The following DNAJC1 variants were observed in gnomAD, a reference collection of about 807,000 sequenced individuals.
DNAJC1 encodes dnaJ homolog subfamily C member 1.
DNAJC1 carries 58 observed loss-of-function variants against 76.6 expected under a neutral mutation model. The ratio of observed to expected loss-of-function variants is 0.76; its 90% confidence interval spans 0.61 to 0.94. The LOEUF (loss-of-function observed/expected upper bound fraction) is 0.94. Among genes scored for constraint, DNAJC1 ranks in the 40% least tolerant of loss-of-function variants. The pLI is 0.00. For missense variants in DNAJC1, 689 were observed against 677.3 expected (o/e 1.02, Z -0.19); for synonymous variants, 258 against 267.9 (o/e 0.96, Z 0.36).
chr10:21,813,932 C>A (rs1835032705), intron 8 of DNAJC1, among the ~76,000 whole-genome samples: 1 of 152,142 alleles, frequency 6.6e-6, no homozygotes, highest in Admixed American at 6.5e-5. Context: ...AATAAACTGC[C>A]CTTTGTCTCT....
chr10:21,900,992 C>T (rs372787156), intron 7 of DNAJC1, among the ~76,000 whole-genome samples: 43 of 152,150 alleles, frequency 2.8e-4, no homozygotes, highest in African/African-American at 8.4e-4. Flanking sequence ...ACTAAATTTT[C>T]TCATCCTGCC....
At chr10:21,799,667 T>C (rs1834791316) in intron 9 of DNAJC1, among the ~76,000 whole-genome samples, 1 of 152,166 alleles carries the variant, frequency 6.6e-6, no homozygotes, top group African/African-American at 2.4e-5. Context: ...CTATCTATTC[T>C]ATGAAACCTC....
chr10:21,845,907 T>C (rs888873801), intron 8 of DNAJC1, among the ~76,000 whole-genome samples: 1 of 152,156 alleles, frequency 6.6e-6, no homozygotes, highest in Non-Finnish European at 1.5e-5. Context: ...ATTTTACCTA[T>C]TTGAATTAAG....
chr10:21,920,470 A>C (rs1449592230), intron 4 of DNAJC1: 2 of 178,440 alleles, frequency 1.1e-5, no homozygotes, highest in African/African-American at 4.7e-5. Flanking sequence ...TGTGACACAA[A>C]AAAATCTAAA....
chr10:21,790,550 A>C (rs1834672324), intron 9 of DNAJC1, among the ~76,000 whole-genome samples: 1 of 151,856 alleles, frequency 6.6e-6, no homozygotes, highest in African/African-American at 2.4e-5. Context: ...GTACCCAGCA[A>C]AACTATCTTT....
intron 8 of DNAJC1, among the ~76,000 whole-genome samples, chr10:21,855,348 G>A (rs1453733954): frequency 1.3e-5 from 2 of 152,094 alleles, no homozygotes; most frequent in Admixed American, 1.3e-4. Flanking sequence ...GCAACAGTTA[G>A]AGACAAGGTT....
At chr10:21,764,860 CCT>C (rs1419329269) in intron 10 of DNAJC1, among the ~76,000 whole-genome samples, 2 of 152,152 alleles carry the variant, frequency 1.3e-5, no homozygotes, top group African/African-American at 4.8e-5. Context: ...TGCCTCTTTT[CCT>C]CTCTGTCCTG....
intron 1 of DNAJC1, among the ~76,000 whole-genome samples, chr10:21,992,548 A>ATGTTTT (rs1838343631): frequency 2.6e-5 from 4 of 151,718 alleles, no homozygotes; most frequent in African/African-American, 4.8e-5. Flanking sequence ...GCAAGACTCC[A>ATGTTTT]TTTCAAAAAA....
intron 7 of DNAJC1, among the ~76,000 whole-genome samples, chr10:21,885,598 A>G (rs1457648597): frequency 6.6e-6 from 1 of 152,124 alleles, no homozygotes. Flanking sequence ...ACATTAAACT[A>G]TCCTCAGCAA....
At chr10:21,874,377 G>A (rs1836150284) in intron 8 of DNAJC1, among the ~76,000 whole-genome samples, 1 of 151,544 alleles carries the variant, frequency 6.6e-6, no homozygotes, top group South Asian at 2.1e-4. Flanking sequence ...TCATGATTAT[G>A]CCACTGTGCT....
At chr10:21,934,540 T>A (rs1837281140) in intron 1 of DNAJC1, among the ~76,000 whole-genome samples, 1 of 152,200 alleles carries the variant, frequency 6.6e-6, no homozygotes, top group Non-Finnish European at 1.5e-5. Context: ...GATGTATTCA[T>A]AGTAAATACC....
At chr10:21,992,707 C>A (rs1838346435) in intron 1 of DNAJC1, among the ~76,000 whole-genome samples, 1 of 152,174 alleles carries the variant, frequency 6.6e-6, no homozygotes, top group African/African-American at 2.4e-5. Context: ...TGTCAAAAAT[C>A]TGAAATATCT....
intron 10 of DNAJC1, among the ~76,000 whole-genome samples, chr10:21,760,629 C>T (rs929452937): frequency 2.9e-4 from 44 of 152,354 alleles, no homozygotes; most frequent in African/African-American, 1.1e-3. Flanking sequence ...ATTATATAAA[C>T]CACTTGGTGT....
At chr10:21,882,059 C>G (rs1170281098) in intron 8 of DNAJC1, among the ~76,000 whole-genome samples, 1 of 152,008 alleles carries the variant, frequency 6.6e-6, no homozygotes, top group Non-Finnish European at 1.5e-5. Flanking sequence ...GAAGCTAAGG[C>G]AGGCGAATGG....
intron 10 of DNAJC1, among the ~76,000 whole-genome samples, chr10:21,760,682 A>C (rs1351867068): frequency 6.6e-6 from 1 of 152,262 alleles, no homozygotes; most frequent in East Asian, 1.9e-4. Context: ...AATTCTAATT[A>C]ATTTAAACTT....
At chr10:21,809,988 T>C (rs991688685) in intron 8 of DNAJC1, among the ~76,000 whole-genome samples, 1 of 151,974 alleles carries the variant, frequency 6.6e-6, no homozygotes, top group Non-Finnish European at 1.5e-5. Context: ...GGGGAGTCTG[T>C]TGTCTCTCTT....
intron 9 of DNAJC1, among the ~76,000 whole-genome samples, chr10:21,780,550 G>C (rs560796710): frequency 9.8e-5 from 15 of 152,314 alleles, no homozygotes; most frequent in African/African-American, 3.6e-4. Flanking sequence ...AATGCTGAGA[G>C]ATTTTGTCAC....
intron 9 of DNAJC1, among the ~76,000 whole-genome samples, chr10:21,782,374 G>A (rs1170084479): frequency 6.6e-6 from 1 of 152,094 alleles, no homozygotes; most frequent in African/African-American, 2.4e-5. Flanking sequence ...ACCAATAACA[G>A]GCTCTGAAAT....
intron 9 of DNAJC1, 49 bp from the exon 10 acceptor site, chr10:21,766,358 T>A: frequency 7.0e-7 from 1 of 1,420,140 alleles, no homozygotes; most frequent in Non-Finnish European, 1.0e-6. Flanking sequence ...GTACCTACTA[T>A]ATGCTGAGTG....
Sources: gnomAD v4.1 joint callset for allele counts (sites outside exome capture counted in the v4.1 genomes callset) on GRCh38, gnomAD v4.1.1 for gene constraint, MANE v1.5 for transcripts, NCBI Gene and HGNC (gene_info 2026-07-23, HGNC 2026-07-21) for gene names.